MOGAT2: variants seen among roughly 807,000 people sequenced by gnomAD.
MOGAT2 encodes the protein 2-acylglycerol O-acyltransferase 2.
Under a neutral mutation model 31.5 loss-of-function variants are expected in MOGAT2, and 27 were observed. The observed-to-expected ratio is 0.86, with a 90% CI of 0.63 to 1.18. The LOEUF is 1.18. MOGAT2 is among the 50% of genes most tolerant of loss of function. The pLI, the probability that MOGAT2 is intolerant of heterozygous loss-of-function variation, is 0.00. For synonymous variants in MOGAT2, 163 were observed against 170.0 expected (o/e 0.96, Z 0.32); for missense variants, 436 against 433.2 (o/e 1.01, Z -0.06).
chr11:75,728,596 C>G, intron 4 of MOGAT2, 194 bp from the exon 5 acceptor site: 1 of 607,238 alleles, frequency 1.6e-6, no homozygotes, highest in Non-Finnish European at 2.9e-6. Context: ...TGTGGCCCTG[C>G]AAGGGACCTG....
rs999600483 is a variant in MOGAT2, at chr11:75,720,063, G to T, written c.163G>T (p.Ala55Ser). The T allele has an allele frequency of 3.7e-6, 6 of 1,614,076 alleles. No individual in the cohort carries two copies. In the African/African-American group the frequency reaches 8.0e-5, roughly 22 times the overall value. The change falls in exon 2 of 6, where the codon GCC (alanine) becomes TCC (serine). Residue 55 changes from alanine to serine, a missense_variant. Coordinates refer to ENST00000198801, the MANE Select transcript of MOGAT2 (RefSeq NM_025098.4). ...CTGGCTCCTCACTGTCCTGTATGCG[G>T]CCTGGTGGTATCTGGACCGAGACAA... is the stretch of plus-strand genomic sequence containing the variant. ...RFWLLTVLYA[A>S]WWYLDRDKPR...
At position 75,727,783 on chromosome 11, in the gene MOGAT2, G is replaced by A. The variant is rs1048833286; in HGVS notation, c.475+144G>A. On this transcript the variant is annotated intron_variant, in intron 3 of 5. Coordinates refer to ENST00000198801, the MANE Select transcript of MOGAT2 (RefSeq NM_025098.4). ...AGCACTTCCTACAGCACCATGCTGG[G>A]CGCTGAGTCCATCAGGGGGTTGGGA... is the stretch of plus-strand genomic sequence containing the variant. 58 of 1,042,758 alleles carry A rather than the reference G, an allele frequency of 5.6e-5. No individual in the cohort carries two copies. In the African/African-American group the frequency reaches 8.4e-4, roughly 15 times the overall value. The allele number at this position is 1,042,758 out of a possible 1,614,324, so 64.6% of individuals were successfully genotyped here. A position where few individuals can be genotyped will look rare whatever the true frequency, so the allele number is the denominator to read the frequency against.
intron 2 of MOGAT2, among the ~76,000 whole-genome samples, chr11:75,723,630 G>A (rs1328040651): frequency 6.6e-6 from 1 of 152,114 alleles, no homozygotes; most frequent in Non-Finnish European, 1.5e-5. Flanking sequence ...TCACTGTGTT[G>A]CCAGGCTGCT....
Position 75,728,132 on chromosome 11 carries a change from C to T in MOGAT2, c.638C>T (p.Ala213Val). ...AACCGAAAGGGCTTCGTCAGGCTCG[C>T]CCTGACACACGGGTATCAAGCCTCT... ...LRNRKGFVRL[A>V]LTHGAPLVPI... Residue 213 changes from alanine to valine, a missense_variant, in exon 4 of 6, where the codon GCC becomes GTC. Ala to Val is a moderately conservative substitution (Grantham distance 64). Coordinates refer to ENST00000198801, the MANE Select transcript of MOGAT2 (RefSeq NM_025098.4). 1 of 1,613,170 alleles carries T rather than the reference C, an allele frequency of 6.2e-7. No individual in the cohort carries two copies. The highest frequency in any genetic ancestry group is 8.5e-7 in the Non-Finnish European group (1 of 1,179,594).
chr11:75,727,923 C>A, intron 3 of MOGAT2, 47 bp from the exon 4 acceptor site: 1 of 1,527,196 alleles, frequency 6.5e-7, no homozygotes, highest in Non-Finnish European at 8.8e-7. Flanking sequence ...ACTTTCATAG[C>A]CCCTGCTCCC....
At chr11:75,725,547 CATAAATAAATAAATAA>C (rs56400236) in intron 2 of MOGAT2, among the ~76,000 whole-genome samples, 4 of 146,484 alleles carry the variant, frequency 2.7e-5, no homozygotes, top group East Asian at 4.0e-4. Flanking sequence ...GACTCTGTCT[CATAAATAAATAAATAA>C]ATAAATAAAT....
rs767670159 is a variant in MOGAT2, at chr11:75,730,914, C to CAAA, written c.851-205_851-203dup. On this transcript the variant is annotated intron_variant, in intron 5 of 5. Coordinates refer to ENST00000198801, the MANE Select transcript of MOGAT2 (RefSeq NM_025098.4). The stretch of plus-strand genomic sequence containing the variant: ...TGGGCTACAGAGCGAGACTCTACCT[C>CAAA]AAAAAAAAAAAAAAAGAAAAGAAAA... The CAAA allele has an allele frequency of 5.7e-3, 986 of 173,518 alleles. 26 individuals carry two copies. Among genetic ancestry groups the CAAA allele is most frequent in the African/African-American group, 0.032 (793 of 24,758 alleles). 10.7% of individuals were successfully genotyped at this position (173,518 alleles called of 1,614,324 possible). A position where few individuals can be genotyped will look rare whatever the true frequency, so the allele number is the denominator to read the frequency against.
Position 75,727,453 on chromosome 11 carries a change from C to T in MOGAT2, c.289C>T (p.Leu97=), listed in dbSNP as rs1944430719. ...CCTGCAGCTGGTCAAGACTGCTGAG[C>T]TGGACCCCTCTCGGAACTACATTGC... The part of the protein sequence containing the change: ...FPISLVKTAE[L]DPSRNYIAGF... The change falls in exon 3 of 6, where the codon CTG becomes TTG. Residue 97 remains leucine, a synonymous_variant. Coordinates refer to ENST00000198801, the MANE Select transcript of MOGAT2 (RefSeq NM_025098.4). 1 of 1,613,978 alleles carries T rather than the reference C, an allele frequency of 6.2e-7. No homozygotes were observed. The highest frequency in any genetic ancestry group is 1.3e-5 in the African/African-American group (1 of 74,922).
intron 5 of MOGAT2, 21 bp from the exon 6 acceptor site, chr11:75,731,111 G>C: frequency 6.2e-7 from 1 of 1,611,678 alleles, no homozygotes; most frequent in South Asian, 1.1e-5. Flanking sequence ...CTAGGCCACT[G>C]CACACCTCTA....
chr11:75,728,299 A>C (rs1841597889), intron 4 of MOGAT2, 155 bp downstream of exon 4: 5 of 890,648 alleles, frequency 5.6e-6, no homozygotes, highest in Middle Eastern at 2.1e-4. Flanking sequence ...TCTTATGCCC[A>C]AATACCTAGA....
rs775730635 is a variant in MOGAT2 at position 75,728,878 on chromosome 11, C to G, written c.739C>G (p.Gln247Glu). Residue 247 changes from glutamine to glutamate, a missense_variant, in exon 5 of 6, where the codon CAG becomes GAG. By Grantham distance (29) the Gln-to-Glu change is conservative. Coordinates refer to ENST00000198801, the MANE Select transcript of MOGAT2 (RefSeq NM_025098.4). ...TTCTGGCTCCTGGTTACGCTATATC[C>G]AGAATCGGTTGCAGAAGATCATGGG... is the stretch of plus-strand genomic sequence containing the variant. Reference protein sequence around the residue: ...NSSGSWLRYIQNRLQKIMGIS... With the variant: ...NSSGSWLRYIENRLQKIMGIS... 1 of 1,614,180 alleles carries G rather than the reference C, an allele frequency of 6.2e-7. No individual in the cohort carries two copies. The highest frequency in any genetic ancestry group is 8.5e-7 in the Non-Finnish European group (1 of 1,180,018).
In MOGAT2 at chr11:75,731,330, C is replaced by G. The variant is rs117023475; in HGVS notation, c.*44C>G. 4.5e-3 allele frequency: 7,207 copies of G among 1,601,948 alleles called. 124 individuals are homozygous for G. Among genetic ancestry groups the G allele is most frequent in the East Asian group, 0.035 (1,568 of 44,718 alleles). ...ACATTAGGGAGCCCAGCAGGAGGTG[C>G]TGTGCTGAGAAGACTTCCTGGAGGT... On this transcript the variant is annotated 3_prime_UTR_variant, in exon 6 of 6. Coordinates refer to ENST00000198801, the MANE Select transcript of MOGAT2 (RefSeq NM_025098.4).
chr11:75,722,824 G>A (rs1426496239), intron 2 of MOGAT2, among the ~76,000 whole-genome samples: 2 of 152,224 alleles, frequency 1.3e-5, no homozygotes, highest in African/African-American at 4.8e-5. Flanking sequence ...CCCTATCAAC[G>A]TCCGTCCTTC....
chr11:75,718,729 A>G (rs2135729703), intron 1 of MOGAT2, among the ~76,000 whole-genome samples: 1 of 152,226 alleles, frequency 6.6e-6, no homozygotes, highest in Non-Finnish European at 1.5e-5. Flanking sequence ...CAGAGAGATC[A>G]CCCTTGCCCA....
At chr11:75,719,909 C>G in intron 1 of MOGAT2, 83 bp from the exon 2 acceptor site, 1 of 1,408,628 alleles carries the variant, frequency 7.1e-7, no homozygotes, top group Non-Finnish European at 9.8e-7. Flanking sequence ...AGTGCCAGGC[C>G]TATGGGCAGA....
intron 2 of MOGAT2, among the ~76,000 whole-genome samples, chr11:75,723,676 C>G (rs1038132666): frequency 6.6e-6 from 1 of 152,186 alleles, no homozygotes; most frequent in Admixed American, 6.5e-5. Context: ...AGGTGTGAGC[C>G]ACCACACCTA....
chr11:75,727,607 C>A lies in MOGAT2; in HGVS notation c.443C>A (p.Ala148Asp). 5 of 1,614,122 alleles carry A rather than the reference C, an allele frequency of 3.1e-6. No homozygotes were observed. Among genetic ancestry groups the A allele is most frequent in the Non-Finnish European group, 4.2e-6 (5 of 1,179,996 alleles). Residue 148 changes from alanine (A) to aspartate (D), a missense_variant, in exon 3 of 6, where the codon GCC becomes GAC. By Grantham distance (126) the Ala-to-Asp change is moderately radical. Coordinates refer to ENST00000198801, the MANE Select transcript of MOGAT2 (RefSeq NM_025098.4). ...ATGATGCTGACCTTGTGGTTCCGGG[C>A]CCCCTTCTTCAGAGATTACATCATG... ...HLMMLTLWFRAPFFRDYIMSA... is the reference protein window; with the variant it reads ...HLMMLTLWFRDPFFRDYIMSA...
chr11:75,720,071 G>C lies in MOGAT2; in HGVS notation c.171G>C (p.Trp57Cys). Residue 57 changes from tryptophan to cysteine, a missense_variant, in exon 2 of 6, where the codon TGG (tryptophan) becomes TGC (cysteine). Coordinates refer to ENST00000198801, the MANE Select transcript of MOGAT2 (RefSeq NM_025098.4). The stretch of plus-strand genomic sequence containing the variant: ...TCACTGTCCTGTATGCGGCCTGGTG[G>C]TATCTGGACCGAGACAAGCCACGGC... ...WLLTVLYAAW[W>C]YLDRDKPRQG... The C allele has an allele frequency of 6.2e-7, 1 of 1,614,172 alleles. No homozygotes were observed. Among genetic ancestry groups the C allele is most frequent in the Non-Finnish European group, 8.5e-7 (1 of 1,180,046 alleles).
chr11:75,719,736 G>A (rs1037498600), intron 1 of MOGAT2: 5 of 481,460 alleles, frequency 1.0e-5, no homozygotes, highest in Non-Finnish European at 1.9e-5. Context: ...CTGGTGCAGT[G>A]GGAGAAAGTG....
Sources: allele counts gnomAD v4.1 joint callset (sites outside exome capture counted in the v4.1 genomes callset), GRCh38; gene constraint gnomAD v4.1.1; transcripts MANE v1.5; gene names NCBI Gene and HGNC (gene_info 2026-07-23, HGNC 2026-07-21).